Variants in ACYP2 observed in about 807,000 individuals in gnomAD.
The protein encoded by ACYP2 is acylphosphatase-2.
Under a neutral mutation model 11.2 loss-of-function variants are expected in ACYP2, and 12 were observed. That is an observed-to-expected ratio of 1.08 (90% CI 0.69 to 1.74). The LOEUF (loss-of-function observed/expected upper bound fraction) is 1.74, where lower values mean the gene tolerates loss of function less well. ACYP2 is among the 40% of genes most tolerant of loss of function. The probability of loss-of-function intolerance (pLI) is 0.00; values close to 1 mark genes in which losing one functional copy is unlikely to be tolerated. For missense variants in ACYP2, 134 were observed against 101.9 expected (o/e 1.31, Z -1.35); for synonymous variants, 43 against 32.2 (o/e 1.33, Z -1.13).
At position 54,201,682 on chromosome 2, in the gene ACYP2, C is replaced by CTT. The variant is rs60217019; in HGVS notation, c.404+62935_404+62936insTT. ...TCTTTCTTTCTTTCTTTCTTTCTTT[C>CTT]TCTCTCTCTCTCTCTCTTTTTTCTT... On this transcript the variant is annotated intron_variant, in intron 6 of 6. Transcript: ENST00000607452. 6.4e-3 allele frequency among the ~76,000 whole-genome samples: 713 copies of CTT among 110,694 alleles called. 3 individuals carry two copies. The highest frequency in any genetic ancestry group is 0.022 in the South Asian group (66 of 2,966). 72.6% of individuals were successfully genotyped at this position (110,694 alleles called of 152,430 possible).
rs1361014835 is a variant in ACYP2 at position 53,973,734 on chromosome 2, G to A, written c.-15G>A. ...TCAGACTCAGCCTGCCTGCACCCAG[G>A]TGAAATAAACAGCCATGTTGCTCAC... On this transcript the variant is annotated 5_prime_UTR_variant, in exon 2 of 7. Transcript: ENST00000607452. 3.1e-6 allele frequency: 1 copy of A among 320,096 alleles called. No individual in the cohort carries two copies. Among genetic ancestry groups the A allele is most frequent in the South Asian group, 1.5e-4 (1 of 6,630 alleles). The allele number at this position is 320,096 out of a possible 1,614,324, so 19.8% of individuals were successfully genotyped here.
chr2:54,108,588 T>C (rs1459623721), intron 4 of ACYP2, among the ~76,000 whole-genome samples: 1 of 152,224 alleles, frequency 6.6e-6, no homozygotes, highest in East Asian at 1.9e-4. Context: ...GGGAGGGGTC[T>C]GTGTTGCCTA....
intron 6 of ACYP2, chr2:54,255,549 G>A (rs1383942433): frequency 1.9e-6 from 3 of 1,612,916 alleles, no homozygotes; most frequent in East Asian, 2.2e-5. Context: ...GGGGGTTCAG[G>A]TGGAGACCCA....
intron 6 of ACYP2, among the ~76,000 whole-genome samples, chr2:54,273,117 C>T (rs891304434): frequency 2.6e-5 from 4 of 152,198 alleles, no homozygotes; most frequent in African/African-American, 7.2e-5. Context: ...GCTTCTGTTA[C>T]AGCAACAATA....
intron 4 of ACYP2, among the ~76,000 whole-genome samples, chr2:54,087,935 C>T (rs1678027339): frequency 6.6e-6 from 1 of 152,146 alleles, no homozygotes; most frequent in Admixed American, 6.5e-5. Flanking sequence ...GGAAGAAGAG[C>T]AGTTAGATTA....
intron 6 of ACYP2, chr2:54,255,394 A>T: frequency 6.2e-7 from 1 of 1,613,938 alleles, no homozygotes; most frequent in Non-Finnish European, 8.5e-7. Flanking sequence ...GAAAGCAGTG[A>T]CCCAGAAGCC....
chr2:54,006,012 C>T (rs1404276756), intron 2 of ACYP2, among the ~76,000 whole-genome samples: 5 of 151,672 alleles, frequency 3.3e-5, no homozygotes, highest in Admixed American at 1.3e-4. Context: ...GAGACTTCAT[C>T]TCACTCTGTC....
intron 6 of ACYP2, among the ~76,000 whole-genome samples, chr2:54,230,529 G>T (rs1003315947): frequency 6.6e-6 from 1 of 151,934 alleles, no homozygotes. Flanking sequence ...GCCACACCCG[G>T]CTAATTTTGT....
At chr2:54,132,813 T>C (rs1030406039) in intron 4 of ACYP2, among the ~76,000 whole-genome samples, 4 of 151,568 alleles carry the variant, frequency 2.6e-5, no homozygotes, top group Non-Finnish European at 5.9e-5. Flanking sequence ...GGCATGATCT[T>C]GGCTCACCGA....
chr2:54,157,378 G>T (rs1682480781), intron 6 of ACYP2, among the ~76,000 whole-genome samples: 1 of 152,106 alleles, frequency 6.6e-6, no homozygotes, highest in Non-Finnish European at 1.5e-5. Context: ...GATATCTTTT[G>T]ATGGCAGTGA....
chr2:54,300,860 C>T (rs1351777391), intron 6 of ACYP2, among the ~76,000 whole-genome samples: 2 of 152,236 alleles, frequency 1.3e-5, no homozygotes, highest in Admixed American at 1.3e-4. Context: ...ATTGCCACTA[C>T]TGGATATTAT....
chr2:54,008,690 A>T (rs1451972374), intron 2 of ACYP2, among the ~76,000 whole-genome samples: 1 of 152,134 alleles, frequency 6.6e-6, no homozygotes, highest in Admixed American at 6.6e-5. Context: ...TTTTGTAAAT[A>T]TGGGGTTTTG....
At chr2:54,303,781 T>A (rs1240342050) in intron 6 of ACYP2, among the ~76,000 whole-genome samples, 1 of 152,238 alleles carries the variant, frequency 6.6e-6, no homozygotes, top group African/African-American at 2.4e-5. Context: ...TTTGGGGATA[T>A]GAGGAAACTC....
chr2:54,180,488 C>T (rs371660455), intron 6 of ACYP2, among the ~76,000 whole-genome samples: 42 of 152,214 alleles, frequency 2.8e-4, no homozygotes, highest in African/African-American at 8.7e-4. Context: ...GACATCACTT[C>T]GGAGATTCTG....
intron 4 of ACYP2, among the ~76,000 whole-genome samples, chr2:54,133,092 T>G (rs1306580298): frequency 3.3e-5 from 5 of 152,106 alleles, no homozygotes; most frequent in Non-Finnish European, 7.4e-5. Context: ...TCACCACAAC[T>G]GAGATATAGA....
chr2:54,144,759 C>A (rs565532595), intron 6 of ACYP2, among the ~76,000 whole-genome samples: 1 of 151,954 alleles, frequency 6.6e-6, no homozygotes, highest in East Asian at 1.9e-4. Context: ...ATTTTCTCCT[C>A]CTTTTTCCTT....
intron 2 of ACYP2, among the ~76,000 whole-genome samples, chr2:53,976,161 G>A (rs532939778): frequency 3.3e-5 from 5 of 152,234 alleles, no homozygotes; most frequent in Admixed American, 2.0e-4. Flanking sequence ...GATATACTTG[G>A]GGCTAGAGAT....
intron 2 of ACYP2, among the ~76,000 whole-genome samples, chr2:53,982,871 T>TGA (rs1671841169): frequency 7.2e-6 from 1 of 139,258 alleles, no homozygotes; most frequent in Admixed American, 7.2e-5. Context: ...TGTGTGTGTG[T>TGA]GTGATATAAA....
intron 2 of ACYP2, among the ~76,000 whole-genome samples, chr2:54,015,375 G>A (rs1449949036): frequency 1.3e-5 from 2 of 152,080 alleles, no homozygotes; most frequent in African/African-American, 4.8e-5. Context: ...AGGTGTGGTG[G>A]TGCATGCCTG....
Sources: allele counts gnomAD v4.1 joint callset (sites outside exome capture counted in the v4.1 genomes callset), GRCh38; gene constraint gnomAD v4.1.1; transcripts MANE v1.5; gene names NCBI Gene and HGNC (gene_info 2026-07-23, HGNC 2026-07-21).